ADGRG2: variants seen among roughly 807,000 people sequenced by gnomAD.
ADGRG2 encodes G protein-coupled receptor 64.
ADGRG2 carries 26 observed loss-of-function variants against 74.1 expected under a neutral mutation model. The observed-to-expected ratio is 0.35, with a 90% CI of 0.26 to 0.49. The LOEUF (loss-of-function observed/expected upper bound fraction) is 0.49. Ranked by LOEUF, ADGRG2 falls within the 20% of genes least tolerant of loss-of-function variation. The pLI is 0.99. For synonymous variants in ADGRG2, 296 were observed against 295.2 expected (o/e 1.00, Z -0.03); for missense variants, 619 against 763.1 (o/e 0.81, Z 2.22).
chrX:19,006,151 C>T (rs1236755265), intron 21 of ADGRG2, 46 bp from the exon 22 acceptor site: 1 of 1,104,514 alleles, frequency 9.1e-7, no homozygotes, highest in Non-Finnish European at 1.3e-6. Flanking sequence ...AAGGCCACAG[C>T]ACCAGTGACT....
chrX:19,105,000 G>A (rs1036835057), intron 1 of ADGRG2, among the ~76,000 whole-genome samples: 14 of 107,689 alleles, frequency 1.3e-4, no homozygotes, highest in Non-Finnish European at 2.7e-4. Context: ...TTAGGAGGCC[G>A]AAGTAGGCAG....
intron 1 of ADGRG2, among the ~76,000 whole-genome samples, chrX:19,105,644 G>C (rs2062272212): frequency 9.0e-6 from 1 of 110,800 alleles, no homozygotes; most frequent in African/African-American, 3.3e-5. Context: ...TGAGTTGATG[G>C]GTGCAGCAAA....
intron 1 of ADGRG2, among the ~76,000 whole-genome samples, chrX:19,111,810 G>A (rs1440956101): frequency 9.0e-6 from 1 of 110,603 alleles, no homozygotes; most frequent in Non-Finnish European, 1.9e-5. Flanking sequence ...AAGAGAGAAG[G>A]AAACAATGCA....
chrX:19,021,752 A>G (rs1318796799), intron 13 of ADGRG2, among the ~76,000 whole-genome samples: 1 of 110,330 alleles, frequency 9.1e-6, no homozygotes, highest in Non-Finnish European at 1.9e-5. Flanking sequence ...GGTTCAAGCG[A>G]TTCTCCTCCC....
chrX:19,087,956 C>T (rs2061959389), intron 1 of ADGRG2, among the ~76,000 whole-genome samples: 1 of 110,976 alleles, frequency 9.0e-6, no homozygotes, highest in Middle Eastern at 4.6e-3. Flanking sequence ...TGCTGGTCAC[C>T]TCTGCCCAGA....
intron 3 of ADGRG2, among the ~76,000 whole-genome samples, chrX:19,054,691 T>G (rs1321789696): frequency 1.8e-5 from 2 of 112,292 alleles, no homozygotes; most frequent in African/African-American, 3.2e-5. Context: ...CTAGCATGTG[T>G]GGTGGCTCCA....
chrX:19,045,471 C>G (rs2061167087), intron 3 of ADGRG2, among the ~76,000 whole-genome samples: 2 of 108,711 alleles, frequency 1.8e-5, no homozygotes, highest in South Asian at 8.2e-4. Context: ...CCACGCCTGG[C>G]TAATTTTGGT....
chrX:19,029,964 CTG>C (rs2146685173), intron 9 of ADGRG2, among the ~76,000 whole-genome samples: 1 of 111,939 alleles, frequency 8.9e-6, no homozygotes, highest in African/African-American at 3.2e-5. Context: ...TATATTCTAC[CTG>C]GAACGTAGTA....
At chrX:19,041,959 A>G (rs79708913) in intron 3 of ADGRG2, among the ~76,000 whole-genome samples, 1 of 110,547 alleles carries the variant, frequency 9.0e-6, no homozygotes, top group Non-Finnish European at 1.9e-5. Context: ...ATAGGTACGC[A>G]CCACCACACC....
rs192364874 is a variant in ADGRG2, at chrX:18,999,105, G to A, written c.2505C>T (p.Ile835=). ...TTCCCAGTAAAAATGTAAGGCCAGCGATACTCCTGAGGTCTTGAATACTGG... is the reference window on the plus strand; with the variant it reads ...TTCCCAGTAAAAATGTAAGGCCAGCAATACTCCTGAGGTCTTGAATACTGG... The part of the protein sequence containing the change: ...RKTSIQDLRS[I]AGLTFLLGIT... Residue 835 remains isoleucine (I), a synonymous_variant, in exon 26 of 29, where the codon ATC becomes ATT. Transcript: ENST00000379869. 129 of 1,207,518 alleles carry A rather than the reference G, an allele frequency of 1.1e-4. 1 individual carries two copies. In the East Asian group the frequency reaches 1.9e-3, roughly 17 times the overall value.
At chrX:19,119,275 T>A (rs1001296594) in intron 1 of ADGRG2, among the ~76,000 whole-genome samples, 1 of 112,444 alleles carries the variant, frequency 8.9e-6, no homozygotes, top group Non-Finnish European at 1.9e-5. Context: ...CCACAATTTA[T>A]TTGATTGCGG....
intron 24 of ADGRG2, among the ~76,000 whole-genome samples, chrX:19,001,166 C>T (rs1192221762): frequency 9.0e-6 from 1 of 111,555 alleles, no homozygotes; most frequent in East Asian, 2.8e-4. Flanking sequence ...AGGGTTCTGT[C>T]CTGGCTGATC....
intron 1 of ADGRG2, among the ~76,000 whole-genome samples, chrX:19,091,365 A>C (rs2062013337): frequency 9.1e-6 from 1 of 110,268 alleles, no homozygotes; most frequent in Non-Finnish European, 1.9e-5. Flanking sequence ...TCTTAGTGGA[A>C]GTGGGGGTCC....
rs61733520 is a variant in ADGRG2 at position 18,997,783 on chromosome X, T to C, written c.2614+1213A>G. Among the ~76,000 whole-genome samples, 764 of 111,892 alleles carry C rather than the reference T, an allele frequency of 6.8e-3. 1 individual carries two copies. Among genetic ancestry groups the C allele is most frequent in the South Asian group, 0.016 (44 of 2,692 alleles). On this transcript the variant is annotated intron_variant, in intron 26 of 28. Transcript: ENST00000379869. ...ACCAACAAGATGATCTATTGCCTGA[T>C]AGAACTAGAGAAGGACAATATGGGA...
At position 19,007,277 on chromosome X, in the gene ADGRG2, T is replaced by C. The variant is rs1368372714; in HGVS notation, c.1647A>G (p.Thr549=). The C allele has an allele frequency of 8.3e-7, 1 of 1,210,226 alleles. No homozygotes were observed. Among genetic ancestry groups the C allele is most frequent in the Non-Finnish European group, 1.1e-6 (1 of 894,030 alleles). ...SVANLTVRNL[T]RNVTVTLKHI... ...GCTTTAATGTGACTGTCACGTTTCT[T>C]GTCAAGTTCCTGACGGTCAGGTTTG... Residue 549 remains threonine (T), a synonymous_variant, in exon 20 of 29, where the codon ACA becomes ACG. Coordinates refer to ENST00000379869, the MANE Select transcript of ADGRG2 (RefSeq NM_001079858.3).
chrX:19,076,558 CAGG>C (rs1025576096), intron 2 of ADGRG2, among the ~76,000 whole-genome samples: 2 of 112,024 alleles, frequency 1.8e-5, no homozygotes, highest in African/African-American at 6.5e-5. Context: ...CACTTGAGGT[CAGG>C]AGTTCAAGAC....
intron 20 of ADGRG2, 98 bp downstream of exon 20, chrX:19,007,137 C>A (rs1451961308): frequency 3.3e-6 from 3 of 909,008 alleles, no homozygotes; most frequent in South Asian, 2.1e-5. Flanking sequence ...GCTGAAGGTT[C>A]TTTCTGCCTG....
chrX:19,004,456 T>C (rs776973375), intron 23 of ADGRG2, among the ~76,000 whole-genome samples: 2 of 112,284 alleles, frequency 1.8e-5, no homozygotes, highest in Non-Finnish European at 3.8e-5. Flanking sequence ...TTTCAGATGG[T>C]AAGTCTCTGG....
intron 3 of ADGRG2, 88 bp from the exon 4 acceptor site, chrX:19,040,312 AAGT>A (rs2061032223): frequency 1.6e-6 from 1 of 612,147 alleles, no homozygotes; most frequent in African/African-American, 2.3e-5. Context: ...TTTGTCAAAT[AAGT>A]AGGTTTCAGC....
Sources: gnomAD v4.1 joint callset for allele counts (sites outside exome capture counted in the v4.1 genomes callset) on GRCh38, gnomAD v4.1.1 for gene constraint, MANE v1.5 for transcripts, NCBI Gene and HGNC (gene_info 2026-07-23, HGNC 2026-07-21) for gene names.